PKHD1: variants seen among roughly 807,000 people sequenced by gnomAD.
PKHD1 encodes PKHD1 ciliary IPT domain containing fibrocystin/polyductin, also known as fibrocystin.
Under a neutral mutation model 412.0 loss-of-function variants are expected in PKHD1, and 291 were observed. That is an observed-to-expected ratio of 0.71 (90% CI 0.64 to 0.78). The LOEUF (loss-of-function observed/expected upper bound fraction) is 0.78. Ranked by LOEUF, PKHD1 falls within the 30% of genes least tolerant of loss-of-function variation. The pLI is 0.00. For synonymous variants in PKHD1, 1,777 were observed against 1,821.5 expected, an observed-to-expected ratio of 0.98 and a Z score of 0.62; for missense variants, 4,825 against 4,950.7, an observed-to-expected ratio of 0.97 and a Z score of 0.76.
intron 35 of PKHD1, among the ~76,000 whole-genome samples, chr6:51,967,902 C>A (rs1012699725): frequency 6.6e-6 from 1 of 152,164 alleles, no homozygotes; most frequent in African/African-American, 2.4e-5. Context: ...TGCAATGGAC[C>A]CATGACGGCA....
chr6:51,903,729 T>C lies in PKHD1; in HGVS notation c.6866-2A>G. The C allele has an allele frequency of 1.2e-6, 2 of 1,609,146 alleles. No homozygotes were observed. The highest frequency in any genetic ancestry group is 2.2e-5 in the South Asian group (2 of 90,998). On this transcript the variant is annotated splice_acceptor_variant, in intron 42 of 66. Coordinates refer to ENST00000371117, the MANE Select transcript of PKHD1 (RefSeq NM_138694.4). LOFTEE classifies it high-confidence loss of function. ...TTATATTTCCATGTCCTGACCAGTC[T>C]AATGTTTCAACAAATCCAGGGGATC...
rs146649803 is a variant in PKHD1, at chr6:51,747,897, C to T, written c.9719G>A (p.Arg3240Gln). The T allele has an allele frequency of 8.7e-6, 14 of 1,613,858 alleles. No homozygotes were observed. Among genetic ancestry groups the T allele is most frequent in the Admixed American group, 5.0e-5 (3 of 59,964 alleles). ...DRAPSNPRGGRIGILWPVFTS... is the reference protein window; with the variant it reads ...DRAPSNPRGGQIGILWPVFTS... ...GAATACAGGCCACAGAATACCAATT[C>T]GACCTCCTCTTGGATTGGAGGGAGC... The change falls in exon 58 of 67, where the codon CGA becomes CAA. Residue 3240 changes from arginine (R) to glutamine (Q), a missense_variant. Transcript: ENST00000371117.
chr6:51,813,493 CTT>C (rs1435489726), intron 52 of PKHD1, among the ~76,000 whole-genome samples: 1 of 152,038 alleles, frequency 6.6e-6, no homozygotes, highest in African/African-American at 2.4e-5. Flanking sequence ...ATTTATATAA[CTT>C]ATTACTTTTT....
intron 18 of PKHD1, among the ~76,000 whole-genome samples, chr6:52,056,422 T>C (rs1281446999): frequency 4.6e-5 from 7 of 152,238 alleles, no homozygotes; most frequent in Admixed American, 2.0e-4. Flanking sequence ...TCTTTGACCT[T>C]TTCCCACCGT....
rs1390999694 is a variant in PKHD1 at position 51,874,905 on chromosome 6, C to CGCACCGT, written c.7351-4273_7351-4267dup. On this transcript the variant is annotated intron_variant, in intron 46 of 66. Transcript: ENST00000371117. Reference sequence around the variant, plus strand: ...CAGTGGGCGCAGGCCAGTGTGTGTGCGCACCGTGCGCGAGCCGAAGCAGGG... The same window carrying CGCACCGT: ...CAGTGGGCGCAGGCCAGTGTGTGTGCGCACCGTGCACCGTGCGCGAGCCGAAGCAGGG... 1.7e-4 allele frequency among the ~76,000 whole-genome samples: 15 copies of CGCACCGT among 89,110 alleles called. 3 individuals carry two copies. The highest frequency in any genetic ancestry group is 7.0e-4 in the African/African-American group (15 of 21,554). 58.5% of individuals were successfully genotyped at this position (89,110 alleles called of 152,430 possible).
intron 52 of PKHD1, among the ~76,000 whole-genome samples, chr6:51,818,006 A>T (rs1209622944): frequency 6.6e-6 from 1 of 152,308 alleles, no homozygotes; most frequent in East Asian, 1.9e-4. Context: ...TCTAGGTAAG[A>T]GCAATGTTTT....
At chr6:52,071,120 G>A (rs1424782465) in intron 8 of PKHD1, 50 bp from the exon 9 acceptor site, 1 of 1,224,602 alleles carries the variant, frequency 8.2e-7, no homozygotes, top group Non-Finnish European at 1.2e-6. Context: ...CTCACTACCA[G>A]AAGATCTGAC....
intron 55 of PKHD1, among the ~76,000 whole-genome samples, chr6:51,761,393 G>C (rs947526827): frequency 1.3e-5 from 2 of 152,098 alleles, no homozygotes; most frequent in African/African-American, 4.8e-5. Context: ...CACTGGACTA[G>C]AGAGTAGAAT....
At chr6:52,020,847 G>T (rs762341436) in intron 33 of PKHD1, among the ~76,000 whole-genome samples, 1 of 151,830 alleles carries the variant, frequency 6.6e-6, no homozygotes, top group Non-Finnish European at 1.5e-5. Flanking sequence ...ATTAGTAGTA[G>T]TTTCTAGTAA....
chr6:51,901,486 C>T (rs1262430462), intron 43 of PKHD1, among the ~76,000 whole-genome samples: 2 of 150,986 alleles, frequency 1.3e-5, no homozygotes, highest in African/African-American at 2.4e-5. Context: ...CACATGGACA[C>T]AGGAAGGGGA....
chr6:51,864,959 T>G (rs1774814720), intron 48 of PKHD1, among the ~76,000 whole-genome samples: 2 of 152,170 alleles, frequency 1.3e-5, no homozygotes, highest in African/African-American at 4.8e-5. Context: ...ACCTAAAGTT[T>G]GGGATAGATA....
In PKHD1 at chr6:51,746,808, C is replaced by T; in HGVS notation, c.9911G>A (p.Gly3304Glu). The stretch of plus-strand genomic sequence containing the variant: ...CTCTGCTGTTATTGGGTGCATAATT[C>T]CACTGTTCTCTGCATTTGGTAGAAT... ...VCILPNAENS[G>E]IMHPITAERT... Residue 3304 changes from glycine to glutamate, a missense_variant, in exon 59 of 67, where the codon GGA becomes GAA. Transcript: ENST00000371117. The T allele has an allele frequency of 6.2e-7, 1 of 1,610,446 alleles. No homozygotes were observed. Among genetic ancestry groups the T allele is most frequent in the South Asian group, 1.1e-5 (1 of 90,986 alleles).
At chr6:51,863,434 T>C (rs1360246333) in intron 48 of PKHD1, among the ~76,000 whole-genome samples, 1 of 152,186 alleles carries the variant, frequency 6.6e-6, no homozygotes, top group South Asian at 2.1e-4. Flanking sequence ...GAAGAAGTTA[T>C]ACATTGCTGT....
intron 36 of PKHD1, among the ~76,000 whole-genome samples, chr6:51,935,606 T>C (rs1043991589): frequency 1.3e-5 from 2 of 152,188 alleles, no homozygotes; most frequent in African/African-American, 4.8e-5. Context: ...TCACTCAGAA[T>C]AGAAGTCAAA....
chr6:51,750,034 C>T (rs1428616441), intron 57 of PKHD1, among the ~76,000 whole-genome samples: 1 of 152,136 alleles, frequency 6.6e-6, no homozygotes, highest in Non-Finnish European at 1.5e-5. Flanking sequence ...GTTTCAAAGG[C>T]AGTACAGCCT....
intron 60 of PKHD1, among the ~76,000 whole-genome samples, chr6:51,703,698 G>T (rs571400300): frequency 6.6e-6 from 1 of 152,064 alleles, no homozygotes; most frequent in East Asian, 1.9e-4. Context: ...TCCCAAGGAG[G>T]TCTGTTGTAA....
chr6:51,953,293 A>AG (rs1790635496), intron 36 of PKHD1, among the ~76,000 whole-genome samples: 1 of 152,096 alleles, frequency 6.6e-6, no homozygotes, highest in Non-Finnish European at 1.5e-5. Context: ...CTACAGTTAG[A>AG]GAAAAAAAAC....
chr6:51,679,111 T>C (rs1776271891), intron 60 of PKHD1, among the ~76,000 whole-genome samples: 1 of 152,118 alleles, frequency 6.6e-6, no homozygotes, highest in Non-Finnish European at 1.5e-5. Context: ...ACAATAAATC[T>C]GCGCCATATG....
At chr6:51,981,760 C>A (rs1156745238) in intron 35 of PKHD1, among the ~76,000 whole-genome samples, 1 of 142,882 alleles carries the variant, frequency 7.0e-6, no homozygotes, top group Non-Finnish European at 1.6e-5. Flanking sequence ...AAGTGAGGAG[C>A]GTCTCTGCTT....
Sources: allele counts gnomAD v4.1 joint callset (sites outside exome capture counted in the v4.1 genomes callset), GRCh38; gene constraint gnomAD v4.1.1; transcripts MANE v1.5; gene names NCBI Gene and HGNC (gene_info 2026-07-23, HGNC 2026-07-21).